CAST: variants seen among roughly 807,000 people sequenced by gnomAD.
CAST encodes calpastatin.
A neutral mutation model predicts 119.6 loss-of-function variants in CAST; 76 were observed. That is an observed-to-expected ratio of 0.64 (90% confidence interval 0.53 to 0.77). The LOEUF is 0.77. Ranked by LOEUF, CAST falls within the 30% of genes least tolerant of loss-of-function variation. CAST has a pLI of 0.00. For synonymous variants in CAST, 319 were observed against 331.6 expected, an observed-to-expected ratio of 0.96 and a Z score of 0.41; for missense variants, 953 against 946.5, an observed-to-expected ratio of 1.01 and a Z score of -0.09.
At chr5:96,364,930 A>G in the CAST span, among the ~76,000 whole-genome samples, 1 of 152,184 alleles carries the variant, frequency 6.6e-6, no homozygotes, top group Admixed American at 6.5e-5. Flanking sequence ...TGTCAATTTT[A>G]GATCTTTCCT....
At chr5:96,581,918 AAACAATCTG>A (rs751188740) in intron 1 of CAST, among the ~76,000 whole-genome samples, 1 of 151,242 alleles carries the variant, frequency 6.6e-6, no homozygotes, top group Non-Finnish European at 1.5e-5. Context: ...ATAAATAAAT[AAACAATCTG>A]AATACCCATC....
At chr5:96,450,709 A>T in the CAST span, among the ~76,000 whole-genome samples, 5 of 152,152 alleles carry the variant, frequency 3.3e-5, no homozygotes, top group Non-Finnish European at 7.4e-5. Flanking sequence ...ATGCTGACAA[A>T]TTTTTTGTTG....
the CAST span, among the ~76,000 whole-genome samples, chr5:96,087,632 C>T: frequency 6.6e-6 from 1 of 152,168 alleles, no homozygotes; most frequent in Non-Finnish European, 1.5e-5. Context: ...AGAAATCAAT[C>T]AATCACTCAA....
chr5:96,683,335 A>G (rs1226050138), intron 2 of CAST, among the ~76,000 whole-genome samples: 1 of 152,158 alleles, frequency 6.6e-6, no homozygotes, highest in African/African-American at 2.4e-5. Context: ...GGCTTCCTTT[A>G]GTGTTTGGTT....
At chr5:96,313,781 C>A in the CAST span, among the ~76,000 whole-genome samples, 1 of 152,058 alleles carries the variant, frequency 6.6e-6, no homozygotes, top group East Asian at 1.9e-4. Flanking sequence ...TTGGCACTGT[C>A]AGATTTTTTT....
the CAST span, among the ~76,000 whole-genome samples, chr5:96,068,793 G>A: frequency 7.1e-3 from 1,076 of 150,760 alleles, 13 homozygotes; most frequent in African/African-American, 0.024. Flanking sequence ...ACACATGTGT[G>A]TATATGTATA....
At chr5:96,205,219 T>C in the CAST span, among the ~76,000 whole-genome samples, 4 of 152,110 alleles carry the variant, frequency 2.6e-5, no homozygotes, top group Admixed American at 2.6e-4. Context: ...AGCCTCTTTA[T>C]GGTCTTTTGC....
the CAST span, among the ~76,000 whole-genome samples, chr5:96,334,960 C>G: frequency 6.6e-6 from 1 of 152,202 alleles, no homozygotes; most frequent in East Asian, 1.9e-4. Flanking sequence ...CAGAGCTCCA[C>G]TCACACCCTG....
chr5:96,223,353 T>C, the CAST span, among the ~76,000 whole-genome samples: 4 of 152,300 alleles, frequency 2.6e-5, no homozygotes, highest in South Asian at 6.2e-4. Flanking sequence ...GAATGTGTAA[T>C]GATCAAGTCA....
At chr5:96,104,291 A>G in the CAST span, among the ~76,000 whole-genome samples, 1 of 152,148 alleles carries the variant, frequency 6.6e-6, no homozygotes, top group Admixed American at 6.5e-5. Flanking sequence ...TTGGTGTTTT[A>G]GACATGAAGT....
chr5:96,151,734 A>G, the CAST span, among the ~76,000 whole-genome samples: 3 of 152,232 alleles, frequency 2.0e-5, no homozygotes, highest in Non-Finnish European at 2.9e-5. Flanking sequence ...GGTTTTAACC[A>G]AGAATATTTT....
chr5:96,251,938 G>A, the CAST span, among the ~76,000 whole-genome samples: 4 of 152,082 alleles, frequency 2.6e-5, no homozygotes, highest in Non-Finnish European at 2.9e-5. Flanking sequence ...CAATCTTTAC[G>A]TTCAGTTAGA....
the CAST span, among the ~76,000 whole-genome samples, chr5:96,264,509 A>G: frequency 6.6e-6 from 1 of 152,140 alleles, no homozygotes. Context: ...TGGGAATGAC[A>G]TTTTCTGTCC....
At position 96,750,651 on chromosome 5, in the gene CAST, TAC is replaced by T; in HGVS notation, c.1495_1496del (p.Gln499ValfsTer5). 6.2e-7 allele frequency: 1 copy of T among 1,613,430 alleles called. No homozygotes were observed. Among genetic ancestry groups the T allele is most frequent in the Non-Finnish European group, 8.5e-7 (1 of 1,179,506 alleles). On this transcript the variant is annotated frameshift_variant, in exon 20 of 32. Coordinates refer to ENST00000675179, the MANE Select transcript of CAST (RefSeq NM_001750.7). LOFTEE classifies it high-confidence loss of function. The stretch of plus-strand genomic sequence containing the variant: ...GTGTGTCGGACCTCCATGTGTAGTA[TAC>T]AGTCAGCACCCCCTGAGCCGGCTAC...
intron 1 of CAST, among the ~76,000 whole-genome samples, chr5:96,542,121 TA>T (rs1745924186): frequency 6.6e-6 from 1 of 151,982 alleles, no homozygotes; most frequent in Non-Finnish European, 1.5e-5. Context: ...CCATCCTGGC[TA>T]ACACAGTGAA....
chr5:96,299,427 C>A, the CAST span, among the ~76,000 whole-genome samples: 59 of 152,164 alleles, frequency 3.9e-4, 1 homozygote, highest in Non-Finnish European at 4.0e-4. Context: ...GCCATGGCTT[C>A]TAGTAGCTAA....
At chr5:96,744,398 G>A (rs1018910732) in intron 16 of CAST, among the ~76,000 whole-genome samples, 5 of 152,212 alleles carry the variant, frequency 3.3e-5, no homozygotes, top group African/African-American at 1.2e-4. Context: ...AAAAGAGCAT[G>A]TGCAGGGGAA....
intron 1 of CAST, among the ~76,000 whole-genome samples, chr5:96,627,840 A>G (rs750952964): frequency 1.3e-5 from 2 of 152,234 alleles, no homozygotes; most frequent in Non-Finnish European, 2.9e-5. Context: ...AGAAGCCCAG[A>G]GTTTCATAGT....
chr5:96,616,849 C>T (rs759535096), intron 1 of CAST, among the ~76,000 whole-genome samples: 3 of 151,286 alleles, frequency 2.0e-5, no homozygotes, highest in Non-Finnish European at 4.4e-5. Context: ...TGACCACTGG[C>T]CAAGATTATC....
Sources: allele counts gnomAD v4.1 joint callset (sites outside exome capture counted in the v4.1 genomes callset), GRCh38; gene constraint gnomAD v4.1.1; transcripts MANE v1.5; gene names NCBI Gene and HGNC (gene_info 2026-07-23, HGNC 2026-07-21).